Variants in SBF1 observed in about 807,000 individuals in gnomAD.
SBF1 encodes the protein myotubularin-related protein 5.
In SBF1, 65 loss-of-function variants were observed where a neutral mutation model predicts 215.8. That is an observed-to-expected ratio of 0.30 (90% CI 0.25 to 0.37). The LOEUF is 0.37. SBF1 is among the 10% of genes least tolerant of loss of function. The pLI, the probability that SBF1 is intolerant of heterozygous loss-of-function variation, is 1.00. For synonymous variants in SBF1, 1,410 were observed against 1,122.8 expected, an observed-to-expected ratio of 1.26 and a Z score of -5.11; for missense variants, 2,634 against 2,667.8, an observed-to-expected ratio of 0.99 and a Z score of 0.28.
chr22:50,458,638 G>C (rs547216929), intron 28 of SBF1, among the ~76,000 whole-genome samples: 14 of 152,384 alleles, frequency 9.2e-5, no homozygotes, highest in East Asian at 5.8e-4. Flanking sequence ...GGACACAGGA[G>C]TGAGTGTGGG....
intron 36 of SBF1, 90 bp downstream of exon 36, chr22:50,454,422 T>C (rs1176931104): frequency 5.3e-6 from 6 of 1,142,004 alleles, no homozygotes; most frequent in South Asian, 2.5e-5. Flanking sequence ...CTTACGTGCA[T>C]GTACGAGTGT....
intron 5 of SBF1, chr22:50,466,978 C>T (rs746663234): frequency 3.0e-5 from 17 of 558,318 alleles, no homozygotes; most frequent in Admixed American, 6.8e-5. Context: ...GAATCCATAC[C>T]GCTCCTTCCT....
intron 1 of SBF1, 137 bp from the exon 2 acceptor site, chr22:50,468,598 G>A (rs950904309): frequency 7.1e-5 from 43 of 605,542 alleles, no homozygotes; most frequent in African/African-American, 6.7e-4. Flanking sequence ...CCTAAAAATA[G>A]CTCCGTATGG....
Position 50,459,752 on chromosome 22 carries a change from C to CAT in SBF1, c.3492-88_3492-87dup, listed in dbSNP as rs1338021604. The stretch of plus-strand genomic sequence containing the variant: ...CCAAGCAGGGCAAGAGGAGCCAGCC[C>CAT]ATGGCTCCCAGCAGGAGGCGCTTCC... On this transcript the variant is annotated intron_variant, in intron 26 of 40. Transcript: ENST00000380817. 2.7e-5 allele frequency: 38 copies of CAT among 1,411,626 alleles called. No individual in the cohort carries two copies. The African/African-American group carries it at 4.7e-4, about 18-fold the overall frequency. The allele number at this position is 1,411,626 out of a possible 1,614,324, so 87.4% of individuals were successfully genotyped here.
chr22:50,455,749 G>T, intron 31 of SBF1, 167 bp from the exon 32 acceptor site: 1 of 635,964 alleles, frequency 1.6e-6, no homozygotes. Context: ...AGCTCGCTCT[G>T]GGTGTGCCGA....
In SBF1 at chr22:50,462,116, C is replaced by T. The variant is rs2067540079; in HGVS notation, c.2400G>A (p.Met800Ile). The T allele has an allele frequency of 1.2e-6, 2 of 1,613,086 alleles. No individual in the cohort carries two copies. The highest frequency in any genetic ancestry group is 3.3e-5 in the Admixed American group (2 of 60,032). The change falls in exon 20 of 41, where the codon ATG becomes ATA. Residue 800 changes from methionine to isoleucine, a missense_variant. Met to Ile is a conservative substitution (Grantham distance 10). Coordinates refer to ENST00000380817, the MANE Select transcript of SBF1 (RefSeq NM_002972.4). ...SASNSLVTNS[M>I]AGSVAESYDT... Reference sequence around the variant, plus strand: ...CATAGCTCTCGGCCACACTGCCAGCCATGCTGGGCCAGAGAAGAAACTGTG... The same window carrying T: ...CATAGCTCTCGGCCACACTGCCAGCTATGCTGGGCCAGAGAAGAAACTGTG...
intron 1 of SBF1, among the ~76,000 whole-genome samples, chr22:50,472,975 G>T (rs57949435): frequency 0.12 from 17,561 of 152,208 alleles, 1,196 homozygotes; most frequent in East Asian, 0.28. Context: ...TTAGGGGAAG[G>T]GGGGGCACCT....
chr22:50,459,733 A>T, intron 26 of SBF1, 67 bp from the exon 27 acceptor site: 1 of 1,477,822 alleles, frequency 6.8e-7, no homozygotes, highest in Non-Finnish European at 9.0e-7. Context: ...CGCCCCAAGC[A>T]GGGCAAGAGG....
intron 1 of SBF1, among the ~76,000 whole-genome samples, chr22:50,468,756 T>A (rs2148608229): frequency 1.3e-5 from 2 of 151,880 alleles, no homozygotes; most frequent in Admixed American, 1.3e-4. Flanking sequence ...CCATCGAAGG[T>A]CAACACTTCG....
intron 2 of SBF1, 151 bp from the exon 3 acceptor site, chr22:50,468,074 G>A (rs2067850646): frequency 2.0e-6 from 2 of 982,692 alleles, no homozygotes; most frequent in Non-Finnish European, 3.0e-6. Flanking sequence ...TGGCCTCCTG[G>A]GCCTCAGTCT....
intron 23 of SBF1, 150 bp downstream of exon 23, chr22:50,461,009 A>C: frequency 2.7e-6 from 3 of 1,103,740 alleles, no homozygotes; most frequent in Non-Finnish European, 3.8e-6. Flanking sequence ...ACATCAACTC[A>C]AGAGCCACAG....
chr22:50,465,340 G>C lies in SBF1; in HGVS notation c.1090-12C>G, dbSNP rs1315439494. 1 of 1,565,970 alleles carries C rather than the reference G, an allele frequency of 6.4e-7. No homozygotes were observed. Among genetic ancestry groups the C allele is most frequent in the African/African-American group, 1.3e-5 (1 of 74,378 alleles). On this transcript the variant is annotated splice_polypyrimidine_tract_variant and intron_variant, in intron 10 of 40. Coordinates refer to ENST00000380817, the MANE Select transcript of SBF1 (RefSeq NM_002972.4). ...CGCAGCTCCTTGTCCTGGGAGAAGA[G>C]CTGAGTGCAGGTGAGAGCCAGTCCT...
intron 1 of SBF1, among the ~76,000 whole-genome samples, chr22:50,472,207 C>T (rs1488576112): frequency 6.6e-6 from 1 of 152,176 alleles, no homozygotes; most frequent in Non-Finnish European, 1.5e-5. Flanking sequence ...CCAGCACAGG[C>T]ATTTACCTTC....
intron 1 of SBF1, among the ~76,000 whole-genome samples, chr22:50,471,413 C>T (rs780225400): frequency 1.4e-4 from 22 of 152,330 alleles, no homozygotes; most frequent in Non-Finnish European, 2.8e-4. Flanking sequence ...GGCTCTGACG[C>T]CTGGAGGGCT....
At chr22:50,459,099 C>T (rs2067386495) in intron 28 of SBF1, among the ~76,000 whole-genome samples, 156 bp downstream of exon 28, 1 of 152,170 alleles carries the variant, frequency 6.6e-6, no homozygotes, top group African/African-American at 2.4e-5. Flanking sequence ...CCCGCCCCTG[C>T]CCCACGGCAC....
At chr22:50,458,805 C>T (rs1476410760) in intron 28 of SBF1, among the ~76,000 whole-genome samples, 3 of 152,104 alleles carry the variant, frequency 2.0e-5, no homozygotes, top group African/African-American at 7.2e-5. Context: ...GCAGGCAGAG[C>T]CAGGCCAGAG....
chr22:50,472,821 G>C (rs1264284767), intron 1 of SBF1, among the ~76,000 whole-genome samples: 5 of 152,132 alleles, frequency 3.3e-5, no homozygotes, highest in Non-Finnish European at 7.4e-5. Flanking sequence ...TTCCCCTCAA[G>C]AATGAACAAG....
intron 31 of SBF1, 162 bp from the exon 32 acceptor site, chr22:50,455,744 G>A (rs1450335258): frequency 9.3e-6 from 6 of 642,908 alleles, no homozygotes; most frequent in South Asian, 5.6e-5. Context: ...AACACAGCTC[G>A]CTCTGGGTGT....
intron 36 of SBF1, among the ~76,000 whole-genome samples, chr22:50,449,334 G>A (rs1361264952): frequency 6.7e-6 from 1 of 150,230 alleles, no homozygotes; most frequent in Admixed American, 6.6e-5. Flanking sequence ...AGTGATTTTA[G>A]GGCCAGGCGC....
Sources: gnomAD v4.1 joint callset for allele counts (sites outside exome capture counted in the v4.1 genomes callset) on GRCh38, gnomAD v4.1.1 for gene constraint, MANE v1.5 for transcripts, NCBI Gene and HGNC (gene_info 2026-07-23, HGNC 2026-07-21) for gene names.